Variants in IQSEC3 observed in about 807,000 individuals in gnomAD.
IQSEC3 encodes IQ motif and SEC7 domain-containing protein 3.
Under a neutral mutation model 105.4 loss-of-function variants are expected in IQSEC3, and 50 were observed. The observed-to-expected ratio is 0.47, with a 90% CI of 0.38 to 0.60. The LOEUF is 0.60. Among genes scored for constraint, IQSEC3 ranks in the 20% least tolerant of loss-of-function variants. The pLI is 0.00. For missense variants in IQSEC3, 1,415 were observed against 1,630.0 expected (o/e 0.87, Z 2.27); for synonymous variants, 708 against 746.0 (o/e 0.95, Z 0.83).
rs1031960102 is a variant in IQSEC3, at chr12:165,338, G to C, written c.2710-96G>C. 14 of 855,000 alleles carry C rather than the reference G, an allele frequency of 1.6e-5. No individual in the cohort carries two copies. The African/African-American group carries it at 1.6e-4, about 10-fold the overall frequency. 53.0% of individuals were successfully genotyped at this position (855,000 alleles called of 1,614,324 possible). On this transcript the variant is annotated intron_variant, in intron 9 of 13. Coordinates refer to ENST00000538872, the MANE Select transcript of IQSEC3 (RefSeq NM_001170738.2). Reference sequence around the variant, plus strand: ...TGTATGTGCACATTCATCACTGCGTGGGTTTGTGTGATCGTGCATCCCCCG... The same window carrying C: ...TGTATGTGCACATTCATCACTGCGTCGGTTTGTGTGATCGTGCATCCCCCG...
chr12:138,333 A>G lies in IQSEC3; in HGVS notation c.970A>G (p.Thr324Ala). ...CCGGCGCGCCGCTTGCACCATCCAAACCGCCTTCCGCCAATACCAGCTCAG... is the reference window on the plus strand; with the variant it reads ...CCGGCGCGCCGCTTGCACCATCCAAGCCGCCTTCCGCCAATACCAGCTCAG... ...VSRRAACTIQ[T>A]AFRQYQLSKN... The change falls in exon 4 of 14, where the codon ACC becomes GCC. Residue 324 changes from threonine to alanine, a missense_variant. Thr to Ala is a moderately conservative substitution (Grantham distance 58). Around this residue, in one of 6 missense-constraint regions of IQSEC3, gnomAD observed 720 missense variants for 633.0 expected, o/e 1.14. Coordinates refer to ENST00000538872, the MANE Select transcript of IQSEC3 (RefSeq NM_001170738.2). This position sits in a 1 kb window ranked among gnomAD's most constrained non-coding sequence, Gnocchi z 7.1. 1 of 1,613,516 alleles carries G rather than the reference A, an allele frequency of 6.2e-7. No homozygotes were observed. The highest frequency in any genetic ancestry group is 8.5e-7 in the Non-Finnish European group (1 of 1,179,938).
At chr12:163,674 G>A in intron 9 of IQSEC3, 55 bp downstream of exon 9, 7 of 1,007,678 alleles carry the variant, frequency 6.9e-6, no homozygotes, top group South Asian at 6.8e-5. Flanking sequence ...CTGCCGCCCT[G>A]GTCAGCCTGG....
chr12:123,817 A>T (rs146894138), intron 2 of IQSEC3, among the ~76,000 whole-genome samples: 5,438 of 152,262 alleles, frequency 0.036, 118 homozygotes, highest in South Asian at 0.084. Context: ...GCTGTCCTGC[A>T]CCAGGGCCAC....
intron 5 of IQSEC3, among the ~76,000 whole-genome samples, chr12:149,849 G>A (rs1555092151): frequency 6.6e-6 from 1 of 152,118 alleles, no homozygotes; most frequent in Non-Finnish European, 1.5e-5. Context: ...TGCAGGGGGG[G>A]ACCATGCTGG....
Position 138,068 on chromosome 12 carries a change from C to T in IQSEC3, c.904-199C>T, listed in dbSNP as rs574142199. On this transcript the variant is annotated intron_variant, in intron 3 of 13. Coordinates refer to ENST00000538872, the MANE Select transcript of IQSEC3 (RefSeq NM_001170738.2). The surrounding 1 kb of genome is among the most constrained non-coding windows in gnomAD (Gnocchi z 7.1). ...CACTAGTCCCCAGAACGGACCCCTCCGTCCTACACCTCTAGGAGTCTTGCC... is the reference window on the plus strand; with the variant it reads ...CACTAGTCCCCAGAACGGACCCCTCTGTCCTACACCTCTAGGAGTCTTGCC... 3.3e-5 allele frequency among the ~76,000 whole-genome samples: 5 copies of T among 152,114 alleles called. No homozygotes were observed. The highest frequency in any genetic ancestry group is 1.3e-4 in the Admixed American group (2 of 15,274).
intron 5 of IQSEC3, among the ~76,000 whole-genome samples, chr12:151,992 C>G (rs137878682): frequency 6.6e-6 from 1 of 152,268 alleles, no homozygotes; most frequent in African/African-American, 2.4e-5. Context: ...CTACATAGAA[C>G]TCATCATGAC....
At chr12:110,712 T>A (rs1350493356) in intron 2 of IQSEC3, among the ~76,000 whole-genome samples, 1 of 151,916 alleles carries the variant, frequency 6.6e-6, no homozygotes, top group South Asian at 2.1e-4. Context: ...AAAAATGGGG[T>A]CATAAAAATT....
intron 7 of IQSEC3, among the ~76,000 whole-genome samples, chr12:161,310 G>A (rs1045308140): frequency 3.9e-5 from 6 of 152,202 alleles, no homozygotes; most frequent in African/African-American, 1.4e-4. Flanking sequence ...CATATTTCCT[G>A]CCAGTGTTTT....
chr12:139,985 A>C (rs1865950534), intron 4 of IQSEC3: 1 of 152,260 alleles, frequency 6.6e-6, no homozygotes, highest in Admixed American at 6.5e-5. Context: ...AGTCCCAAGC[A>C]GAGGAAAGGA....
At chr12:127,947 G>T (rs578114142) in intron 3 of IQSEC3, among the ~76,000 whole-genome samples, 1 of 152,098 alleles carries the variant, frequency 6.6e-6, no homozygotes, top group Non-Finnish European at 1.5e-5. Context: ...GACTGAACTC[G>T]ACTCCTCTCT....
rs544572006 is a variant in IQSEC3 at position 142,888 on chromosome 12, G to T, written c.2153+1603G>T. ...CCCAGTCCATCCCTTCCCAAGCCAG[G>T]GTGAGGTGCTGGCCCCGTAGCCCCA... is the stretch of plus-strand genomic sequence containing the variant. On this transcript the variant is annotated intron_variant, in intron 5 of 13. Transcript: ENST00000538872. Among the ~76,000 whole-genome samples the T allele has an allele frequency of 3.9e-5, 6 of 152,274 alleles. No individual in the cohort carries two copies. The South Asian group carries it at 1.2e-3, about 32-fold the overall frequency.
chr12:85,578 G>T (rs543366705), intron 1 of IQSEC3, among the ~76,000 whole-genome samples: 2 of 152,208 alleles, frequency 1.3e-5, no homozygotes, highest in Non-Finnish European at 2.9e-5. Flanking sequence ...CATGGAGCTC[G>T]AGGACTGACA....
chr12:127,243 A>G (rs1865445688), intron 3 of IQSEC3, among the ~76,000 whole-genome samples: 1 of 152,184 alleles, frequency 6.6e-6, no homozygotes, highest in Non-Finnish European at 1.5e-5. Flanking sequence ...ATCAGGGGCC[A>G]GGCGTGGTGG....
Position 178,347 on chromosome 12 carries a change from A to T in IQSEC3, c.*3314A>T, listed in dbSNP as rs1291426641. ...CTCTAGGGAAAGGCAGGGTGGCTGC[A>T]CCCAGCAACTAATCCAAATGGCAAA... is the stretch of plus-strand genomic sequence containing the variant. On this transcript the variant is annotated 3_prime_UTR_variant, in exon 14 of 14. Coordinates refer to ENST00000538872, the MANE Select transcript of IQSEC3 (RefSeq NM_001170738.2). The T allele has an allele frequency of 1.3e-5, 2 of 152,266 alleles. No individual in the cohort carries two copies. The highest frequency in any genetic ancestry group is 1.3e-4 in the Admixed American group (2 of 15,292). 9.4% of individuals were successfully genotyped at this position (152,266 alleles called of 1,614,324 possible).
intron 1 of IQSEC3, among the ~76,000 whole-genome samples, chr12:82,383 G>A (rs1555070911): frequency 6.6e-6 from 1 of 152,182 alleles, no homozygotes; most frequent in African/African-American, 2.4e-5. Context: ...AGAATGGGAG[G>A]AATTGTAGAA....
chr12:161,890 AC>A, intron 7 of IQSEC3, 35 bp from the exon 8 acceptor site: 4 of 1,546,160 alleles, frequency 2.6e-6, no homozygotes, highest in Non-Finnish European at 2.6e-6. Flanking sequence ...CTCCCTCCCA[AC>A]CCCACCACCA....
At chr12:147,276 G>T (rs144766109) in intron 5 of IQSEC3, among the ~76,000 whole-genome samples, 36 of 152,282 alleles carry the variant, frequency 2.4e-4, no homozygotes, top group Non-Finnish European at 4.7e-4. Context: ...GACCAAGCAG[G>T]CCGTGAAATA....
chr12:175,075 T>G lies in IQSEC3; in HGVS notation c.*42T>G. 7.7e-6 allele frequency: 11 copies of G among 1,425,514 alleles called. 1 individual carries two copies. The South Asian group carries it at 1.6e-4, about 20-fold the overall frequency. 88.3% of individuals were successfully genotyped at this position (1,425,514 alleles called of 1,614,324 possible). A position where few individuals can be genotyped will look rare whatever the true frequency, so the allele number is the denominator to read the frequency against. ...CTGCTGTCCTGGGAGGGCTGGCCAC[T>G]GGGGGGCCTGGGCTGCCCCTCCACT... On this transcript the variant is annotated 3_prime_UTR_variant, in exon 14 of 14. Coordinates refer to ENST00000538872, the MANE Select transcript of IQSEC3 (RefSeq NM_001170738.2).
chr12:120,515 G>C (rs1240177382), intron 2 of IQSEC3, among the ~76,000 whole-genome samples: 11 of 152,124 alleles, frequency 7.2e-5, no homozygotes, highest in Admixed American at 2.0e-4. Context: ...GGATAGACAG[G>C]CTGTGGTGGC....
Sources: gnomAD v4.1 joint callset for allele counts (sites outside exome capture counted in the v4.1 genomes callset) on GRCh38, gnomAD v4.1.1 for gene constraint, gnomAD v4.1.1 regional missense constraint, Gnocchi (gnomAD v3.1) non-coding constraint, MANE v1.5 for transcripts, NCBI Gene and HGNC (gene_info 2026-07-23, HGNC 2026-07-21) for gene names.